The following NLGN1 variants were observed in gnomAD, a reference collection of about 807,000 sequenced individuals.
NLGN1 encodes the protein neuroligin 1.
In NLGN1, 12 loss-of-function variants were observed where a neutral mutation model predicts 65.5. The ratio of observed to expected loss-of-function variants is 0.18; its 90% CI spans 0.12 to 0.30. The LOEUF is 0.30. Ranked by LOEUF, NLGN1 falls within the 10% of genes least tolerant of loss-of-function variation. The pLI, the probability that NLGN1 is intolerant of heterozygous loss-of-function variation, is 1.00. For synonymous variants in NLGN1, 350 were observed against 359.5 expected, an observed-to-expected ratio of 0.97 and a Z score of 0.30; for missense variants, 750 against 1,007.1, an observed-to-expected ratio of 0.74 and a Z score of 3.46.
At chr3:173,877,025 T>C (rs184122246) in intron 4 of NLGN1, among the ~76,000 whole-genome samples, 6 of 152,268 alleles carry the variant, frequency 3.9e-5, no homozygotes. Context: ...GAATAGGATA[T>C]TTGCCTAGTC....
At chr3:174,169,934 C>G (rs1232331190) in intron 4 of NLGN1, among the ~76,000 whole-genome samples, 2 of 152,136 alleles carry the variant, frequency 1.3e-5, no homozygotes, top group Admixed American at 1.3e-4. Context: ...GAGGCAAAGT[C>G]CTGTCCCTCG....
chr3:173,929,926 A>G (rs1467313326), intron 4 of NLGN1, among the ~76,000 whole-genome samples: 1 of 151,732 alleles, frequency 6.6e-6, no homozygotes, highest in South Asian at 2.1e-4. Flanking sequence ...CTGGTCTCGA[A>G]CTCCCAACCT....
chr3:173,596,341 G>T (rs1295178949), intron 2 of NLGN1, among the ~76,000 whole-genome samples: 1 of 152,200 alleles, frequency 6.6e-6, no homozygotes, highest in Non-Finnish European at 1.5e-5. Flanking sequence ...TCTCCCAGGA[G>T]GAGGTTCTGG....
intron 2 of NLGN1, among the ~76,000 whole-genome samples, chr3:173,449,568 G>A (rs1439411577): frequency 1.3e-5 from 2 of 152,296 alleles, no homozygotes; most frequent in East Asian, 1.9e-4. Context: ...TTCTGTAGAT[G>A]TCTATTAGGT....
chr3:173,595,765 C>G (rs895799146), intron 2 of NLGN1, among the ~76,000 whole-genome samples: 1 of 152,140 alleles, frequency 6.6e-6, no homozygotes, highest in African/African-American at 2.4e-5. Context: ...TTGCAGGAGG[C>G]AAAAGGCACT....
chr3:173,815,006 CTT>C (rs1718727207), intron 4 of NLGN1, among the ~76,000 whole-genome samples: 1 of 151,698 alleles, frequency 6.6e-6, no homozygotes, highest in African/African-American at 2.4e-5. Context: ...TTTCTCTTCT[CTT>C]TTCTTTTCTT....
intron 2 of NLGN1, among the ~76,000 whole-genome samples, chr3:173,447,852 C>T (rs1720678130): frequency 1.3e-5 from 2 of 152,106 alleles, no homozygotes. Context: ...CATGATTTGG[C>T]TCTCTGTTTG....
chr3:174,206,428 T>C (rs1318209141), intron 4 of NLGN1, among the ~76,000 whole-genome samples: 1 of 152,116 alleles, frequency 6.6e-6, no homozygotes, highest in East Asian at 1.9e-4. Flanking sequence ...CACCTTTTTA[T>C]CTTTTACCTC....
chr3:173,821,437 C>A (rs1720275032), intron 4 of NLGN1, among the ~76,000 whole-genome samples: 1 of 152,094 alleles, frequency 6.6e-6, no homozygotes, highest in Non-Finnish European at 1.5e-5. Flanking sequence ...TGCTAGAATT[C>A]TTTATGTTTT....
intron 4 of NLGN1, among the ~76,000 whole-genome samples, chr3:173,956,825 A>C (rs1376581627): frequency 6.6e-6 from 1 of 152,196 alleles, no homozygotes; most frequent in Non-Finnish European, 1.5e-5. Context: ...ATTCCTAAGA[A>C]AGATTAGTAA....
rs149262845 is a variant in NLGN1 at position 173,875,313 on chromosome 3, G to A, written c.646+67481G>A. Among the ~76,000 whole-genome samples the A allele has an allele frequency of 4.2e-3, 635 of 152,218 alleles. 3 individuals are homozygous for A. The highest frequency in any genetic ancestry group is 0.015 in the African/African-American group (607 of 41,524). On this transcript the variant is annotated intron_variant, in intron 4 of 6. Coordinates refer to ENST00000457714, the Ensembl canonical transcript of NLGN1. ...ACTTGCCAGGTAGAATCTGTGTCTG[G>A]AGCCTTAATTTGTAAGATCTGTACT... is the stretch of plus-strand genomic sequence containing the variant.
chr3:174,083,079 T>C (rs1233612613), intron 4 of NLGN1, among the ~76,000 whole-genome samples: 5 of 152,208 alleles, frequency 3.3e-5, no homozygotes, highest in Non-Finnish European at 7.3e-5. Context: ...TAAACATAGA[T>C]TATGTTCTTA....
rs1368065827 is a variant in NLGN1 at position 173,539,652 on chromosome 3, CAT to C, written c.-320-64624_-320-64623del. On this transcript the variant is annotated intron_variant, in intron 2 of 6. Coordinates refer to ENST00000457714, the Ensembl canonical transcript of NLGN1. ...TATATACACATATATACATATATAA[CAT>C]ATGTGTATATATGCACATATATAAC... Among the ~76,000 whole-genome samples the C allele has an allele frequency of 3.8e-4, 39 of 103,592 alleles. 3 individuals carry two copies. The highest frequency in any genetic ancestry group is 8.9e-4 in the African/African-American group (26 of 29,312). 68.0% of individuals were successfully genotyped at this position (103,592 alleles called of 152,430 possible).
intron 2 of NLGN1, among the ~76,000 whole-genome samples, chr3:173,447,012 G>T (rs1720491826): frequency 6.6e-6 from 1 of 152,136 alleles, no homozygotes; most frequent in Non-Finnish European, 1.5e-5. Flanking sequence ...CATTCTGTAG[G>T]TTGCCTGTTC....
At chr3:173,807,545 C>A in intron 3 of NLGN1, 135 bp from the exon 4 acceptor site, 1 of 911,750 alleles carries the variant, frequency 1.1e-6, no homozygotes, top group Non-Finnish European at 1.6e-6. Flanking sequence ...GCTTAAGAAA[C>A]ACTTTAATAA....
rs60140480 is a variant in NLGN1 at position 173,445,267 on chromosome 3, C to CAAA, written c.-321+10215_-321+10217dup. On this transcript the variant is annotated intron_variant, in intron 2 of 6. Coordinates refer to ENST00000457714, the Ensembl canonical transcript of NLGN1. ...TGGGCGACAGAGCGAGACTCCGTCT[C>CAAA]AAAAAAAAAAAAAAAAAAAAAAAAA... Among the ~76,000 whole-genome samples the CAAA allele has an allele frequency of 4.4e-4, 46 of 103,476 alleles. 1 individual carries two copies. The highest frequency in any genetic ancestry group is 1.7e-3 in the African/African-American group (41 of 23,478). The allele number at this position is 103,476 out of a possible 152,430, so 67.9% of individuals were successfully genotyped here.
intron 2 of NLGN1, among the ~76,000 whole-genome samples, chr3:173,578,954 A>G (rs142597091): frequency 2.0e-3 from 306 of 152,366 alleles, no homozygotes; most frequent in African/African-American, 7.2e-3. Context: ...AAATGTATAA[A>G]TTATAGATGT....
At chr3:173,415,939 A>AGCGC (rs532760228) in intron 1 of NLGN1, among the ~76,000 whole-genome samples, 6 of 123,190 alleles carry the variant, frequency 4.9e-5, no homozygotes, top group Admixed American at 1.6e-4. Flanking sequence ...AGAGAGAGAG[A>AGCGC]GAGAGCTTGG....
At chr3:173,629,155 T>G (rs1485768494) in intron 3 of NLGN1, among the ~76,000 whole-genome samples, 2 of 152,128 alleles carry the variant, frequency 1.3e-5, no homozygotes, top group Admixed American at 6.6e-5. Flanking sequence ...AGTTTTAGAC[T>G]ATCTTGTTGC....
Sources: gnomAD v4.1 joint callset for allele counts (sites outside exome capture counted in the v4.1 genomes callset) on GRCh38, gnomAD v4.1.1 for gene constraint, MANE v1.5 for transcripts, NCBI Gene and HGNC (gene_info 2026-07-23, HGNC 2026-07-21) for gene names.